The following STX7 variants were observed in gnomAD, a reference collection of about 807,000 sequenced individuals.
STX7 encodes the protein syntaxin-7.
Under a neutral mutation model 39.6 loss-of-function variants are expected in STX7, and 34 were observed. The ratio of observed to expected loss-of-function variants is 0.86; its 90% confidence interval spans 0.65 to 1.14. The LOEUF is 1.14. STX7 is among the 50% of genes most tolerant of loss of function. The probability of loss-of-function intolerance (pLI) is 0.00; values close to 1 mark genes in which losing one functional copy is unlikely to be tolerated. For missense variants in STX7, 284 were observed against 310.4 expected (o/e 0.92, Z 0.64); for synonymous variants, 119 against 99.1 (o/e 1.20, Z -1.19).
Position 132,454,193 on chromosome 6 carries a change from T to G in STX7, c.*6565A>C, listed in dbSNP as rs999846264. 5 of 151,556 alleles carry G rather than the reference T, an allele frequency of 3.3e-5. No individual in the cohort carries two copies. Among genetic ancestry groups the G allele is most frequent in the Non-Finnish European group, 7.4e-5 (5 of 67,852 alleles). 9.4% of individuals were successfully genotyped at this position (151,556 alleles called of 1,614,324 possible). A position where few individuals can be genotyped will look rare whatever the true frequency, so the allele number is the denominator to read the frequency against. ...CCAATCCCAAAAGGTTACATATTAT[T>G]ATGATTCCAGTTATACAGCTTTATT... On this transcript the variant is annotated 3_prime_UTR_variant, in exon 10 of 10. Transcript: ENST00000367941.
intron 2 of STX7, among the ~76,000 whole-genome samples, chr6:132,481,430 T>C (rs957217431): frequency 1.3e-5 from 2 of 152,218 alleles, no homozygotes; most frequent in African/African-American, 4.8e-5. Flanking sequence ...ATGAAAGTAT[T>C]AGTCACTATC....
intron 4 of STX7, 98 bp downstream of exon 4, chr6:132,472,184 G>A (rs745993439): frequency 2.9e-5 from 24 of 840,654 alleles, no homozygotes; most frequent in Non-Finnish European, 4.2e-5. Context: ...TTCCTTTCTA[G>A]CATAATTTCC....
At chr6:132,480,520 C>T (rs1363251512) in intron 2 of STX7, among the ~76,000 whole-genome samples, 2 of 152,186 alleles carry the variant, frequency 1.3e-5, no homozygotes, top group Non-Finnish European at 2.9e-5. Context: ...GGAAAACAAT[C>T]ACGTTTTCAA....
At chr6:132,509,471 ACATAACATAACATAACATAACATAAC>A (rs1775789440) in intron 1 of STX7, among the ~76,000 whole-genome samples, 1 of 26,276 alleles carries the variant, frequency 3.8e-5, no homozygotes, top group African/African-American at 7.0e-5. Flanking sequence ...ACATAACATA[ACATAACATAACATAACATAACATAAC>A]ATAACATAAC....
chr6:132,510,757 A>C (rs1278891901), intron 1 of STX7, among the ~76,000 whole-genome samples: 3 of 152,162 alleles, frequency 2.0e-5, no homozygotes, highest in African/African-American at 7.2e-5. Flanking sequence ...ATATACAAAC[A>C]CTATAAAGAG....
Position 132,447,284 on chromosome 6 carries a change from C to T in STX7, c.*13474G>A, listed in dbSNP as rs1774034816. On this transcript the variant is annotated 3_prime_UTR_variant, in exon 10 of 10. Coordinates refer to ENST00000367941, the MANE Select transcript of STX7 (RefSeq NM_003569.3). ...GTCAACAAAACTATTTCCAGAGAGG[C>T]TTGAAATAAAACAGTTGACTTTATG... The T allele has an allele frequency of 6.6e-6, 1 of 152,138 alleles. No individual in the cohort carries two copies. Among genetic ancestry groups the T allele is most frequent in the Non-Finnish European group, 1.5e-5 (1 of 68,012 alleles). 9.4% of individuals were successfully genotyped at this position (152,138 alleles called of 1,614,324 possible). A position where few individuals can be genotyped will look rare whatever the true frequency, so the allele number is the denominator to read the frequency against.
rs115915606 is a variant in STX7, at chr6:132,462,162, C to A, written c.694-1312G>T. On this transcript the variant is annotated intron_variant, in intron 9 of 9. Transcript: ENST00000367941. ...AATGGTGTGTTTGTTGCCTGGGGTA[C>A]TCCCCCTAGCGTGGGGTAATGAGAC... Among the ~76,000 whole-genome samples the A allele has an allele frequency of 4.3e-3, 659 of 152,326 alleles. 8 individuals are homozygous for A. Among genetic ancestry groups the A allele is most frequent in the African/African-American group, 0.015 (617 of 41,580 alleles).
At position 132,447,270 on chromosome 6, in the gene STX7, T is replaced by G. The variant is rs1431515128; in HGVS notation, c.*13488A>C. 4.6e-5 allele frequency: 7 copies of G among 152,194 alleles called. No homozygotes were observed. The highest frequency in any genetic ancestry group is 1.0e-4 in the Non-Finnish European group (7 of 68,020). 9.4% of individuals were successfully genotyped at this position (152,194 alleles called of 1,614,324 possible). ...AGCGTTTCTTATCAGTCAACAAAAC[T>G]ATTTCCAGAGAGGCTTGAAATAAAA... On this transcript the variant is annotated 3_prime_UTR_variant, in exon 10 of 10. Coordinates refer to ENST00000367941, the MANE Select transcript of STX7 (RefSeq NM_003569.3).
intron 1 of STX7, among the ~76,000 whole-genome samples, chr6:132,507,802 C>T (rs1775744441): frequency 6.6e-6 from 1 of 152,188 alleles, no homozygotes; most frequent in Admixed American, 6.5e-5. Flanking sequence ...AAAACAAACA[C>T]ATTGAATGAA....
At chr6:132,478,300 A>G (rs1381959758) in intron 2 of STX7, among the ~76,000 whole-genome samples, 3 of 152,250 alleles carry the variant, frequency 2.0e-5, no homozygotes, top group Non-Finnish European at 4.4e-5. Flanking sequence ...ACAAACAAGT[A>G]CACCACATGA....
At chr6:132,513,451 C>A (rs1185776446), upstream of STX7, among the ~76,000 whole-genome samples, 1 of 152,108 alleles carries the variant, frequency 6.6e-6, no homozygotes, top group East Asian at 1.9e-4. Context: ...ACAGCTCTAT[C>A]GAAAAATGCA....
chr6:132,465,602 T>C, intron 8 of STX7, among the ~76,000 whole-genome samples: 1 of 152,228 alleles, frequency 6.6e-6, no homozygotes, highest in South Asian at 2.1e-4. Context: ...CTCTGACTTC[T>C]GAAAGACTAC....
chr6:132,464,914 T>A (rs1448092093), intron 8 of STX7, among the ~76,000 whole-genome samples: 2 of 152,166 alleles, frequency 1.3e-5, no homozygotes, highest in Admixed American at 1.3e-4. Flanking sequence ...TTTTGAAGCA[T>A]GAGACCCTTT....
At chr6:132,490,514 T>A (rs536064553) in intron 2 of STX7, among the ~76,000 whole-genome samples, 3 of 152,162 alleles carry the variant, frequency 2.0e-5, no homozygotes, top group Non-Finnish European at 4.4e-5. Context: ...CCATAAAAAT[T>A]ACATTTTCAG....
chr6:132,469,908 C>T (rs377115706), intron 7 of STX7, 43 bp downstream of exon 7: 4 of 1,499,610 alleles, frequency 2.7e-6, no homozygotes, highest in Non-Finnish European at 3.6e-6. Context: ...AACAAACTCA[C>T]TAAGACCAGA....
At position 132,470,514 on chromosome 6, in the gene STX7, C is replaced by T. The variant is rs1270919956; in HGVS notation, c.440+60G>A. Reference sequence around the variant, plus strand: ...AAAGCTTTAATTCTGTTCCAGGGACCTTAATGTATAAACTTTGAAAAATTA... The same window carrying T: ...AAAGCTTTAATTCTGTTCCAGGGACTTTAATGTATAAACTTTGAAAAATTA... On this transcript the variant is annotated intron_variant, in intron 6 of 9. Coordinates refer to ENST00000367941, the MANE Select transcript of STX7 (RefSeq NM_003569.3). 3.2e-6 allele frequency: 4 copies of T among 1,249,606 alleles called. No individual in the cohort carries two copies. In the African/African-American group the frequency reaches 4.5e-5, roughly 14 times the overall value. The allele number at this position is 1,249,606 out of a possible 1,614,324, so 77.4% of individuals were successfully genotyped here.
chr6:132,498,889 A>G (rs1398098679), intron 2 of STX7, among the ~76,000 whole-genome samples: 1 of 152,228 alleles, frequency 6.6e-6, no homozygotes, highest in East Asian at 1.9e-4. Flanking sequence ...AATTAGAAAA[A>G]GTACAGTGAT....
At chr6:132,489,200 T>TA (rs745673648) in intron 2 of STX7, among the ~76,000 whole-genome samples, 2,160 of 82,962 alleles carry the variant, frequency 0.026, 72 homozygotes, top group African/African-American at 0.06. Context: ...GACTCTGTCT[T>TA]AAAAAAAAAA....
At chr6:132,467,647 CCT>C (rs1774595984) in intron 8 of STX7, among the ~76,000 whole-genome samples, 1 of 151,916 alleles carries the variant, frequency 6.6e-6, no homozygotes, top group Admixed American at 6.6e-5. Context: ...GAAATTTTAC[CCT>C]GTGATCTACT....
Sources: allele counts gnomAD v4.1 joint callset (sites outside exome capture counted in the v4.1 genomes callset), GRCh38; gene constraint gnomAD v4.1.1; transcripts MANE v1.5; gene names NCBI Gene and HGNC (gene_info 2026-07-23, HGNC 2026-07-21).